Variants in CHD8 observed in about 807,000 individuals in gnomAD.
The protein encoded by CHD8 is ATP-dependent chromatin remodeler CHD8.
A neutral mutation model predicts 279.2 loss-of-function variants in CHD8; 31 were observed. The observed-to-expected ratio is 0.11, with a 90% confidence interval of 0.08 to 0.15. The LOEUF is 0.15. CHD8 is among the 10% of genes least tolerant of loss of function. CHD8 has a pLI of 1.00. For missense variants in CHD8, 2,146 were observed against 3,230.5 expected (o/e 0.66, Z 8.14); for synonymous variants, 1,081 against 1,139.6 (o/e 0.95, Z 1.04).
chr14:21,437,415 C>T, intron 1 of CHD8: 1 of 271,810 alleles, frequency 3.7e-6, no homozygotes, highest in South Asian at 7.0e-5. Context: ...TGAGAGCGCA[C>T]GGAGAGGCCT....
At chr14:21,437,003 G>A in intron 1 of CHD8, 2 of 1,280,858 alleles carry the variant, frequency 1.6e-6, no homozygotes, top group Non-Finnish European at 2.0e-6. Context: ...ACATGCACTT[G>A]AGGTAAGGAG....
At position 21,403,563 on chromosome 14, in the gene CHD8, A is replaced by C. The variant is rs369757845; in HGVS notation, c.3408T>G (p.Val1136=). The change falls in exon 17 of 38, where the codon GTT becomes GTG. Residue 1136 remains valine, a synonymous_variant. Transcript: ENST00000646647. This position sits in a 1 kb window ranked among gnomAD's most constrained non-coding sequence, Gnocchi z 4.3. ...GCTTTGGAAGCAACTTGTCAATAAG[A>C]ACCAGTTTGCCGGCTGAACGAACCA... ...QAMVRSAGKL[V]LIDKLLPKLK... The C allele has an allele frequency of 2.5e-6, 4 of 1,613,226 alleles. No homozygotes were observed. In the African/African-American group the frequency reaches 5.3e-5, roughly 22 times the overall value.
chr14:21,405,267 A>G lies in CHD8; in HGVS notation c.3249T>C (p.Asn1083=). The G allele has an allele frequency of 6.2e-7, 1 of 1,613,486 alleles. No individual in the cohort carries two copies. The highest frequency in any genetic ancestry group is 8.5e-7 in the Non-Finnish European group (1 of 1,179,682). The change falls in exon 16 of 38, where the codon AAT becomes AAC. Residue 1083 remains asparagine, a synonymous_variant. Transcript: ENST00000646647. This position sits in a 1 kb window ranked among gnomAD's most constrained non-coding sequence, Gnocchi z 4.2. ...SKGAGHTNMP[N]LLNTMMELRK... is the part of the protein sequence containing the mutation. Reference sequence around the variant, plus strand: ...GCAACTCCATCATTGTGTTAAGTAGATTAGGCATGTTGGTATGACCTGCCC... The same window carrying G: ...GCAACTCCATCATTGTGTTAAGTAGGTTAGGCATGTTGGTATGACCTGCCC...
At chr14:21,398,036 A>G in intron 26 of CHD8, 84 bp from the exon 27 acceptor site, 1 of 1,245,720 alleles carries the variant, frequency 8.0e-7, no homozygotes, top group Non-Finnish European at 1.1e-6. Context: ...AATAATTAGA[A>G]TATGTTCTAT....
At position 21,448,949 on chromosome 14, in the gene CHD8, C is replaced by G. The variant is rs527438098; in HGVS notation, c.-216+7083G>C. Among the ~76,000 whole-genome samples, 19 of 151,470 alleles carry G rather than the reference C, an allele frequency of 1.3e-4. 1 individual carries two copies. The East Asian group carries it at 3.8e-3, about 30-fold the overall frequency. ...CAGTACTTTGGGAGGCCGAGGCGGG[C>G]AGATCACGAGGTCAGGAGATCGAGA... On this transcript the variant is annotated intron_variant, in intron 1 of 37. Coordinates refer to ENST00000646647, the MANE Select transcript of CHD8 (RefSeq NM_001170629.2).
intron 3 of CHD8, 99 bp downstream of exon 3, chr14:21,428,865 G>C: frequency 9.3e-7 from 1 of 1,078,178 alleles, no homozygotes; most frequent in Non-Finnish European, 1.3e-6. Context: ...TATAAATCTA[G>C]AATGGCCCCA....
At chr14:21,415,110 T>C in intron 7 of CHD8, 117 bp from the exon 8 acceptor site, 1 of 705,374 alleles carries the variant, frequency 1.4e-6, no homozygotes, top group East Asian at 2.7e-5. Flanking sequence ...TATTAATAAC[T>C]CAGAGATTAA....
At chr14:21,414,440 A>T in intron 8 of CHD8, 22 bp from the exon 9 acceptor site, 1 of 1,283,456 alleles carries the variant, frequency 7.8e-7, no homozygotes, top group Non-Finnish European at 1.1e-6. Flanking sequence ...GGAAAAATCC[A>T]GTCATGGTGC....
chr14:21,399,840 A>T, intron 25 of CHD8, 135 bp from the exon 26 acceptor site: 1 of 935,456 alleles, frequency 1.1e-6, no homozygotes, highest in South Asian at 1.4e-5. Context: ...TCCTCCCACT[A>T]GTGTCAAGTA....
At chr14:21,414,533 A>C (rs1888636024) in intron 8 of CHD8, 115 bp from the exon 9 acceptor site, 4 of 639,602 alleles carry the variant, frequency 6.3e-6, no homozygotes, top group Admixed American at 2.7e-5. Flanking sequence ...TTAAATTGGG[A>C]GACAGTCTCT....
At chr14:21,437,279 G>A in intron 1 of CHD8, 1 of 1,140,512 alleles carries the variant, frequency 8.8e-7, no homozygotes. Flanking sequence ...CTAACCTGAT[G>A]CTCCTGCCCG....
chr14:21,440,419 CTGG>C (rs1406549682), intron 1 of CHD8, among the ~76,000 whole-genome samples: 9 of 152,130 alleles, frequency 5.9e-5, no homozygotes, highest in Non-Finnish European at 1.0e-4. Flanking sequence ...GTTGGCCAGG[CTGG>C]TCTCGAACTC....
chr14:21,411,502 A>C (rs1054325507), intron 10 of CHD8, among the ~76,000 whole-genome samples: 3 of 152,118 alleles, frequency 2.0e-5, no homozygotes, highest in African/African-American at 7.2e-5. Flanking sequence ...TCACTTGAAA[A>C]AGTCATGAAA....
At chr14:21,411,765 T>G (rs931923139) in intron 10 of CHD8, among the ~76,000 whole-genome samples, 2 of 152,082 alleles carry the variant, frequency 1.3e-5, no homozygotes, top group African/African-American at 4.8e-5. Context: ...GATGACCATT[T>G]GAAAATGAAA....
At chr14:21,394,778 C>T (rs996408516) in intron 30 of CHD8, 134 bp downstream of exon 30, 29 of 909,406 alleles carry the variant, frequency 3.2e-5, no homozygotes, top group Middle Eastern at 2.8e-4. Context: ...TTAATTTCTA[C>T]AGGTTTAACT....
Position 21,431,791 on chromosome 14 carries a change from G to T in CHD8, c.-148C>A. ...TCAAGTATAGAGGCAAGAAACAAGT[G>T]CATGTCAGATTGTCCTGACCTTCAT... is the stretch of plus-strand genomic sequence containing the variant. On this transcript the variant is annotated 5_prime_UTR_variant, in exon 2 of 38. Transcript: ENST00000646647. The T allele has an allele frequency of 6.2e-7, 1 of 1,613,408 alleles. No homozygotes were observed.
At chr14:21,437,230 C>A in intron 1 of CHD8, 1 of 1,185,880 alleles carries the variant, frequency 8.4e-7, no homozygotes, top group Non-Finnish European at 1.1e-6. Flanking sequence ...GCCCCTCTCC[C>A]TGTCTCTCCA....
Position 21,409,985 on chromosome 14 carries a change from C to T in CHD8, c.2230G>A (p.Val744Ile), listed in dbSNP as rs996150988. 1.1e-5 allele frequency: 18 copies of T among 1,611,420 alleles called. No homozygotes were observed. The highest frequency in any genetic ancestry group is 1.7e-5 in the Admixed American group (1 of 59,754). The part of the protein sequence containing the change: ...HSIDKDNGEP[V>I]IYYLVKWCSL... The stretch of plus-strand genomic sequence containing the variant: ...CACCATTTCACCAGGTAGTAAATAA[C>T]GGGCTAGGAGAGAAGAAACCAAAGC... Residue 744 changes from valine (V) to isoleucine (I), a missense_variant, in exon 11 of 38, where the codon GTT becomes ATT. Coordinates refer to ENST00000646647, the MANE Select transcript of CHD8 (RefSeq NM_001170629.2).
At chr14:21,446,611 C>A (rs1272848016) in intron 1 of CHD8, among the ~76,000 whole-genome samples, 1 of 152,156 alleles carries the variant, frequency 6.6e-6, no homozygotes, top group Non-Finnish European at 1.5e-5. Flanking sequence ...CAGCTCCTGG[C>A]TTCTTATTTA....
Sources: gnomAD v4.1 joint callset for allele counts (sites outside exome capture counted in the v4.1 genomes callset) on GRCh38, gnomAD v4.1.1 for gene constraint, Gnocchi (gnomAD v3.1) non-coding constraint, MANE v1.5 for transcripts, NCBI Gene and HGNC (gene_info 2026-07-23, HGNC 2026-07-21) for gene names.